Variants in PCDH15 observed in about 807,000 individuals in gnomAD.
The protein encoded by PCDH15 is protocadherin-15.
PCDH15 carries 129 observed loss-of-function variants against 178.5 expected under a neutral mutation model. That is an observed-to-expected ratio of 0.72 (90% confidence interval 0.63 to 0.84). PCDH15 has a LOEUF of 0.84. Among genes scored for constraint, PCDH15 ranks in the 40% least tolerant of loss-of-function variants. The pLI, the probability that PCDH15 is intolerant of heterozygous loss-of-function variation, is 0.00. For synonymous variants in PCDH15, 800 were observed against 732.0 expected, an observed-to-expected ratio of 1.09 and a Z score of -1.50; for missense variants, 2,230 against 2,099.9, an observed-to-expected ratio of 1.06 and a Z score of -1.21.
intron 1 of PCDH15, among the ~76,000 whole-genome samples, chr10:54,789,057 C>T (rs1951151419): frequency 6.6e-6 from 1 of 151,724 alleles, no homozygotes; most frequent in Non-Finnish European, 1.5e-5. Context: ...GGAATTGTTG[C>T]TGATTTTTTT....
intron 2 of PCDH15, among the ~76,000 whole-genome samples, chr10:55,549,018 G>T (rs1359283647): frequency 1.3e-5 from 2 of 152,058 alleles, no homozygotes; most frequent in African/African-American, 4.8e-5. Flanking sequence ...AGCCACAAAT[G>T]AAATAAAAAT....
chr10:53,949,049 A>C (rs1337199039), intron 23 of PCDH15, among the ~76,000 whole-genome samples: 1 of 152,228 alleles, frequency 6.6e-6, no homozygotes, highest in Non-Finnish European at 1.5e-5. Context: ...ATGTAAGTTG[A>C]ACTGTTTGGA....
chr10:54,291,040 T>A (rs1289709593), intron 8 of PCDH15, among the ~76,000 whole-genome samples: 2 of 150,942 alleles, frequency 1.3e-5, no homozygotes, highest in Non-Finnish European at 3.0e-5. Context: ...TCATTTGAAC[T>A]CGCACTTATA....
At chr10:55,450,330 T>C (rs1018621390) in intron 2 of PCDH15, among the ~76,000 whole-genome samples, 1 of 152,164 alleles carries the variant, frequency 6.6e-6, no homozygotes, top group Non-Finnish European at 1.5e-5. Flanking sequence ...TGGTCAGTGA[T>C]GAGAGGCACT....
intron 2 of PCDH15, among the ~76,000 whole-genome samples, chr10:54,998,964 G>A (rs1046683851): frequency 6.6e-6 from 1 of 152,028 alleles, no homozygotes; most frequent in Non-Finnish European, 1.5e-5. Flanking sequence ...TGTGGGGGTT[G>A]CTTTCCTGTT....
chr10:53,938,980 G>A, intron 24 of PCDH15, 25 bp from the exon 25 acceptor site: 3 of 1,607,036 alleles, frequency 1.9e-6, no homozygotes, highest in Non-Finnish European at 2.6e-6. Flanking sequence ...ACAATTACCT[G>A]GTCATTGTCT....
chr10:54,915,363 T>C (rs1954883272), intron 2 of PCDH15, among the ~76,000 whole-genome samples: 1 of 152,166 alleles, frequency 6.6e-6, no homozygotes, highest in African/African-American at 2.4e-5. Context: ...TAATATGCCT[T>C]AGAAAAAAAT....
chr10:55,341,083 T>G (rs61851099), intron 2 of PCDH15, among the ~76,000 whole-genome samples: 1,565 of 152,008 alleles, frequency 0.01, 12 homozygotes, highest in Non-Finnish European at 0.017. Flanking sequence ...AGTAGTAAAT[T>G]TAATTAGCCA....
At chr10:54,151,146 A>T (rs1256136371) in intron 14 of PCDH15, among the ~76,000 whole-genome samples, 2 of 152,178 alleles carry the variant, frequency 1.3e-5, no homozygotes, top group Non-Finnish European at 2.9e-5. Context: ...AGTTTTTAAA[A>T]CCATAGACCA....
At position 55,138,061 on chromosome 10, in the gene PCDH15, C is replaced by G. The variant is rs1255899534; in HGVS notation, c.-80+28515G>C. On this transcript the variant is annotated intron_variant, in intron 2 of 5. Transcript: ENST00000458638. ...AGGTAAGTTTTGCTAGTTAGATGCA[C>G]TTACTTGAGATTTGAAATTTGTAAA... 2.6e-5 allele frequency among the ~76,000 whole-genome samples: 4 copies of G among 152,194 alleles called. No homozygotes were observed. In the East Asian group the frequency reaches 7.7e-4, roughly 29 times the overall value.
chr10:53,957,600 T>C (rs1025665027), intron 23 of PCDH15, among the ~76,000 whole-genome samples: 2 of 148,214 alleles, frequency 1.3e-5, no homozygotes, highest in African/African-American at 5.0e-5. Context: ...CAGGGCAGAG[T>C]GACACAGGAC....
At chr10:55,124,938 C>A (rs1408248371) in intron 2 of PCDH15, among the ~76,000 whole-genome samples, 1 of 152,036 alleles carries the variant, frequency 6.6e-6, no homozygotes, top group African/African-American at 2.4e-5. Flanking sequence ...ATTACAAATT[C>A]TTTCCATCAG....
At chr10:54,171,525 T>G (rs2133626167) in intron 13 of PCDH15, among the ~76,000 whole-genome samples, 1 of 145,710 alleles carries the variant, frequency 6.9e-6, no homozygotes, top group East Asian at 1.9e-4. Context: ...ATACTCCTAT[T>G]CACCGTTCTC....
intron 3 of PCDH15, among the ~76,000 whole-genome samples, chr10:54,442,416 A>T (rs9416356): frequency 0.21 from 1,943 of 9,214 alleles, 203 homozygotes; most frequent in Middle Eastern, 0.29. Context: ...CTTAAAGGCT[A>T]TATATATATA....
intron 2 of PCDH15, among the ~76,000 whole-genome samples, chr10:55,418,738 A>T (rs1838547579): frequency 6.6e-6 from 1 of 151,868 alleles, no homozygotes; most frequent in African/African-American, 2.4e-5. Context: ...AGAAGAAAAA[A>T]GAAATGAAAG....
chr10:53,808,870 G>A lies in PCDH15; in HGVS notation c.4671+1686C>T, dbSNP rs140554743. 89 of 1,604,458 alleles carry A rather than the reference G, an allele frequency of 5.5e-5. No individual in the cohort carries two copies. Among genetic ancestry groups the A allele is most frequent in the Middle Eastern group, 5.0e-4 (3 of 6,052 alleles). On this transcript the variant is annotated intron_variant, in intron 37 of 37. Transcript: ENST00000644397. ...CTCACTTTCCACACCTCCTTCCACC[G>A]AAGCTGATTCTGCACTGCCCTCTTC...
At chr10:53,834,536 G>A (rs114406483) in intron 29 of PCDH15, among the ~76,000 whole-genome samples, 3,101 of 132,378 alleles carry the variant, frequency 0.023, 128 homozygotes, top group African/African-American at 0.083. Flanking sequence ...TTTTTTTCTC[G>A]TCATTTTCAT....
At chr10:54,600,628 A>T in intron 2 of PCDH15, 1 of 581,276 alleles carries the variant, frequency 1.7e-6, no homozygotes, top group Non-Finnish European at 3.3e-6. Flanking sequence ...TCTACTAAAA[A>T]GGTAGAAAAT....
chr10:55,104,659 C>A (rs1349391499), intron 2 of PCDH15, among the ~76,000 whole-genome samples: 9 of 152,160 alleles, frequency 5.9e-5, no homozygotes, highest in Non-Finnish European at 8.8e-5. Context: ...ATTCATTTAT[C>A]TTGAAATTGT....
Sources: allele counts gnomAD v4.1 joint callset (sites outside exome capture counted in the v4.1 genomes callset), GRCh38; gene constraint gnomAD v4.1.1; transcripts MANE v1.5; gene names NCBI Gene and HGNC (gene_info 2026-07-23, HGNC 2026-07-21).